The following PCDHGB3 variants were observed in gnomAD, a reference collection of about 807,000 sequenced individuals.
PCDHGB3 encodes the protein protocadherin gamma subfamily B, 3.
PCDHGB3 carries 40 observed loss-of-function variants against 59.2 expected under a neutral mutation model. The ratio of observed to expected loss-of-function variants is 0.68; its 90% CI spans 0.52 to 0.88. The LOEUF (loss-of-function observed/expected upper bound fraction) is 0.88, where lower values mean the gene tolerates loss of function less well. PCDHGB3 is among the 40% of genes least tolerant of loss of function. The pLI, the probability that PCDHGB3 is intolerant of heterozygous loss-of-function variation, is 0.00. For missense variants in PCDHGB3, 1,309 were observed against 1,187.9 expected (o/e 1.10, Z -1.50); for synonymous variants, 581 against 503.6 (o/e 1.15, Z -2.06).
At chr5:141,384,183 A>G (rs1779806989) in intron 1 of PCDHGB3, 11 of 1,613,812 alleles carry the variant, frequency 6.8e-6, no homozygotes, top group Non-Finnish European at 9.3e-6. Context: ...CAGATGGTGG[A>G]ACTCCTCCCT....
intron 2 of PCDHGB3, among the ~76,000 whole-genome samples, chr5:141,502,866 C>CTTTTTCTT (rs2099816520): frequency 1.6e-5 from 2 of 128,030 alleles, no homozygotes; most frequent in African/African-American, 6.2e-5. Flanking sequence ...GACTCTCTGT[C>CTTTTTCTT]TTTTTTTTTT....
At chr5:141,416,033 C>T (rs770398549) in intron 1 of PCDHGB3, 22 of 202,600 alleles carry the variant, frequency 1.1e-4, no homozygotes, top group Non-Finnish European at 1.9e-4. Flanking sequence ...AAAGAAATCA[C>T]CTCTGGAAAC....
chr5:141,481,733 C>A (rs2099543522), intron 1 of PCDHGB3, among the ~76,000 whole-genome samples: 1 of 152,078 alleles, frequency 6.6e-6, no homozygotes, highest in Admixed American at 6.6e-5. Context: ...GCGGGCGGAT[C>A]ACGAGGTCAG....
rs1272109802 is a variant in PCDHGB3 at position 141,403,110 on chromosome 5, C to G, written c.2415+30301C>G. The G allele has an allele frequency of 6.2e-7, 1 of 1,614,084 alleles. No individual in the cohort carries two copies. The highest frequency in any genetic ancestry group is 1.7e-5 in the Admixed American group (1 of 60,032). The stretch of plus-strand genomic sequence containing the variant: ...GTGGGCAACATCTCCAAGGACCTGG[C>G]TCTGGAGCCCCGGGAGCTGGCGGAG... On this transcript the variant is annotated intron_variant, in intron 1 of 3. Transcript: ENST00000576222.
chr5:141,419,443 C>G lies in PCDHGB3; in HGVS notation c.2415+46634C>G, dbSNP rs1476796525. ...TCGACCACGAGCAGCTGCGCACCTT[C>G]GAGCTCACGCTGCAGGCCCGCGACC... On this transcript the variant is annotated intron_variant, in intron 1 of 3. Coordinates refer to ENST00000576222, the MANE Select transcript of PCDHGB3 (RefSeq NM_018924.5). 6.2e-7 allele frequency: 1 copy of G among 1,613,080 alleles called. No individual in the cohort carries two copies. Among genetic ancestry groups the G allele is most frequent in the Non-Finnish European group, 8.5e-7 (1 of 1,179,758 alleles).
rs752680691 is a variant in PCDHGB3, at chr5:141,433,173, G to A, written c.2415+60364G>A. Reference sequence around the variant, plus strand: ...TCGGTATTTTCTAAAGACAGTCATGGGTTAATTGAGGTGAGTTTATATCAA... The same window carrying A: ...TCGGTATTTTCTAAAGACAGTCATGAGTTAATTGAGGTGAGTTTATATCAA... On this transcript the variant is annotated intron_variant, in intron 1 of 3. Coordinates refer to ENST00000576222, the MANE Select transcript of PCDHGB3 (RefSeq NM_018924.5). 3.1e-6 allele frequency: 5 copies of A among 1,610,344 alleles called. 1 individual carries two copies. In the Middle Eastern group the frequency reaches 5.0e-4, roughly 160 times the overall value.
At chr5:141,420,907 C>G (rs916293573) in intron 1 of PCDHGB3, 3 of 301,914 alleles carry the variant, frequency 9.9e-6, no homozygotes, top group Admixed American at 4.6e-5. Context: ...TCTACAAATA[C>G]GTGTGATTCA....
At chr5:141,471,217 T>G (rs2099252724) in intron 1 of PCDHGB3, 1 of 151,568 alleles carries the variant, frequency 6.6e-6, no homozygotes, top group South Asian at 2.1e-4. Context: ...GCCTGGCAAT[T>G]TTTTTGTATT....
At position 141,372,147 on chromosome 5, in the gene PCDHGB3, G is replaced by A. The variant is rs374383984; in HGVS notation, c.1753G>A (p.Gly585Ser). ...FDMVPRSAEP[G>S]YLVTKVVAVD... ...TATGGTGCCGCGCTCTGCAGAGCCT[G>A]GCTACCTGGTGACCAAGGTGGTGGC... Residue 585 changes from glycine to serine, a missense_variant, in exon 1 of 4, where the codon GGC (glycine) becomes AGC (serine). Gly to Ser is a moderately conservative substitution (Grantham distance 56, BLOSUM62 0). Coordinates refer to ENST00000576222, the MANE Select transcript of PCDHGB3 (RefSeq NM_018924.5). 52 of 1,613,776 alleles carry A rather than the reference G, an allele frequency of 3.2e-5. No homozygotes were observed. In the Middle Eastern group the frequency reaches 5.0e-4, roughly 15 times the overall value.
In PCDHGB3 at chr5:141,477,486, C is replaced by T. The variant is rs1472326209; in HGVS notation, c.2416-17321C>T. On this transcript the variant is annotated intron_variant, in intron 1 of 3. Coordinates refer to ENST00000576222, the MANE Select transcript of PCDHGB3 (RefSeq NM_018924.5). This position sits in a 1 kb window ranked among gnomAD's most constrained non-coding sequence, Gnocchi z 4.9. ...GACATCAATGACAACCCTCCACAATCTTCTCAATCTTCCTACGACGTTTAC... is the reference window on the plus strand; with the variant it reads ...GACATCAATGACAACCCTCCACAATTTTCTCAATCTTCCTACGACGTTTAC... 6.2e-7 allele frequency: 1 copy of T among 1,614,052 alleles called. No individual in the cohort carries two copies. The highest frequency in any genetic ancestry group is 1.3e-5 in the African/African-American group (1 of 74,914).
rs375487349 is a variant in PCDHGB3 at position 141,383,260 on chromosome 5, G to A, written c.2415+10451G>A. The A allele has an allele frequency of 7.3e-5, 118 of 1,613,782 alleles. 1 individual carries two copies. In the East Asian group the frequency reaches 2.5e-3, roughly 35 times the overall value. On this transcript the variant is annotated intron_variant, in intron 1 of 3. Coordinates refer to ENST00000576222, the MANE Select transcript of PCDHGB3 (RefSeq NM_018924.5). The stretch of plus-strand genomic sequence containing the variant: ...TAAAATGAATCTTTACCCTATAGAC[G>A]TGGAAATAATAGATATTAATGACAA...
Position 141,431,072 on chromosome 5 carries a change from A to G in PCDHGB3, c.2415+58263A>G. On this transcript the variant is annotated intron_variant, in intron 1 of 3. Transcript: ENST00000576222. The surrounding 1 kb of genome is among the most constrained non-coding windows in gnomAD (Gnocchi z 4.8). ...TATGGGGGCCATCAAGTGTCAATTA[A>G]ATCTAGACATTCTGATGGAGGATAA... is the stretch of plus-strand genomic sequence containing the variant. 1 of 1,614,220 alleles carries G rather than the reference A, an allele frequency of 6.2e-7. No individual in the cohort carries two copies. Among genetic ancestry groups the G allele is most frequent in the Non-Finnish European group, 8.5e-7 (1 of 1,180,012 alleles).
Position 141,477,012 on chromosome 5 carries a change from T to C in PCDHGB3, c.2416-17795T>C. The C allele has an allele frequency of 6.2e-7, 1 of 1,614,186 alleles. No homozygotes were observed. Among genetic ancestry groups the C allele is most frequent in the Non-Finnish European group, 8.5e-7 (1 of 1,180,026 alleles). On this transcript the variant is annotated intron_variant, in intron 1 of 3. Coordinates refer to ENST00000576222, the MANE Select transcript of PCDHGB3 (RefSeq NM_018924.5). The surrounding 1 kb of genome is among the most constrained non-coding windows in gnomAD (Gnocchi z 4.9). The stretch of plus-strand genomic sequence containing the variant: ...GTGCGGCAACTATTCGCCTTAGACC[T>C]TGTAACCGGGATGCTGACAATCAAG...
At chr5:141,398,989 T>G (rs766277028) in intron 1 of PCDHGB3, 2 of 1,613,796 alleles carry the variant, frequency 1.2e-6, no homozygotes, top group Non-Finnish European at 1.7e-6. Flanking sequence ...CGGGCAAATC[T>G]TTAGTCTGAA....
Position 141,487,845 on chromosome 5 carries a change from A to C in PCDHGB3, c.2416-6962A>C, listed in dbSNP as rs2099667978. ...GGGTCATGCCTATATCTGAGTAAGA[A>C]ATGAAAGTAATTGGTGATCAAGAGC... On this transcript the variant is annotated intron_variant, in intron 1 of 3. Coordinates refer to ENST00000576222, the MANE Select transcript of PCDHGB3 (RefSeq NM_018924.5). The surrounding 1 kb of genome is among the most constrained non-coding windows in gnomAD (Gnocchi z 5.0). 2.9e-6 allele frequency: 3 copies of C among 1,027,382 alleles called. No homozygotes were observed. Among genetic ancestry groups the C allele is most frequent in the Non-Finnish European group, 4.2e-6 (3 of 716,452 alleles). The allele number at this position is 1,027,382 out of a possible 1,614,324, so 63.6% of individuals were successfully genotyped here.
intron 1 of PCDHGB3, chr5:141,405,588 G>T: frequency 1.7e-6 from 1 of 584,820 alleles, no homozygotes; most frequent in Non-Finnish European, 3.0e-6. Flanking sequence ...GGGACTACAG[G>T]CCTCCCAAGT....
chr5:141,406,406 C>T (rs976555739), intron 1 of PCDHGB3, among the ~76,000 whole-genome samples: 18 of 152,174 alleles, frequency 1.2e-4, no homozygotes, highest in Non-Finnish European at 1.8e-4. Context: ...CTTAGAGAAA[C>T]AGCTGAAAGC....
chr5:141,377,373 A>G (rs1416774435), intron 1 of PCDHGB3: 1 of 152,200 alleles, frequency 6.6e-6, no homozygotes, highest in Non-Finnish European at 1.5e-5. Context: ...CAGGAGGCTG[A>G]GGCAGGAGGA....
At chr5:141,457,071 C>T in intron 1 of PCDHGB3, among the ~76,000 whole-genome samples, 1 of 152,188 alleles carries the variant, frequency 6.6e-6, no homozygotes, top group Non-Finnish European at 1.5e-5. Context: ...TTGCCAGTAA[C>T]TATTATCCCT....
Sources: gnomAD v4.1 joint callset for allele counts (sites outside exome capture counted in the v4.1 genomes callset) on GRCh38, gnomAD v4.1.1 for gene constraint, Gnocchi (gnomAD v3.1) non-coding constraint, MANE v1.5 for transcripts, NCBI Gene and HGNC (gene_info 2026-07-23, HGNC 2026-07-21) for gene names.